TMEM132C: variants seen among roughly 807,000 people sequenced by gnomAD.
TMEM132C encodes the protein transmembrane protein 132C.
A neutral mutation model predicts 61.4 loss-of-function variants in TMEM132C; 29 were observed. That is an observed-to-expected ratio of 0.47 (90% CI 0.35 to 0.64). The LOEUF (loss-of-function observed/expected upper bound fraction) is 0.64. TMEM132C is among the 30% of genes least tolerant of loss of function. The pLI is 0.00. For missense variants in TMEM132C, 1,408 were observed against 1,476.9 expected (o/e 0.95, Z 0.76); for synonymous variants, 656 against 633.1 (o/e 1.04, Z -0.54).
intron 2 of TMEM132C, among the ~76,000 whole-genome samples, chr12:128,478,755 G>C (rs558711913): frequency 4.6e-5 from 7 of 152,188 alleles, no homozygotes; most frequent in Non-Finnish European, 7.3e-5. Context: ...CCAGATAGAT[G>C]CTACAAGGAC....
At chr12:128,522,697 G>A (rs1017535906) in intron 2 of TMEM132C, among the ~76,000 whole-genome samples, 5 of 152,128 alleles carry the variant, frequency 3.3e-5, no homozygotes, top group East Asian at 1.9e-4. Context: ...TTTGTTTCAT[G>A]TCTATCCAAA....
At chr12:128,689,418 A>G (rs528358302) in intron 5 of TMEM132C, among the ~76,000 whole-genome samples, 1 of 152,312 alleles carries the variant, frequency 6.6e-6, no homozygotes, top group South Asian at 2.1e-4. Flanking sequence ...ACGTGAAAGC[A>G]CCTTGCAGAT....
At chr12:128,558,985 C>G (rs1187518913) in intron 3 of TMEM132C, among the ~76,000 whole-genome samples, 1 of 152,154 alleles carries the variant, frequency 6.6e-6, no homozygotes, top group Non-Finnish European at 1.5e-5. Flanking sequence ...AGTATACAGA[C>G]TTATATACAA....
chr12:128,641,961 ATTTTTT>A (rs34283461), intron 4 of TMEM132C, among the ~76,000 whole-genome samples: 1 of 128,744 alleles, frequency 7.8e-6, no homozygotes, highest in Non-Finnish European at 1.6e-5. Flanking sequence ...TGCCCGGCTA[ATTTTTT>A]TTTTTTTTTT....
At chr12:128,399,168 A>C (rs1162525328) in intron 1 of TMEM132C, among the ~76,000 whole-genome samples, 3 of 152,206 alleles carry the variant, frequency 2.0e-5, no homozygotes, top group Non-Finnish European at 4.4e-5. Context: ...CATGTGGGGG[A>C]AAAATGCGGA....
intron 2 of TMEM132C, among the ~76,000 whole-genome samples, chr12:128,502,511 C>T (rs1246712219): frequency 2.6e-5 from 4 of 152,308 alleles, no homozygotes; most frequent in Non-Finnish European, 5.9e-5. Flanking sequence ...TGGCAGAGAT[C>T]ATCACCTTTT....
chr12:128,269,347 C>CGTGTGTGTGTGTGTGTGTGTGTGTGT lies in TMEM132C; in HGVS notation c.85+1865_85+1890dup, dbSNP rs58843737. On this transcript the variant is annotated intron_variant, in intron 1 of 8. Transcript: ENST00000435159. Reference sequence around the variant, plus strand: ...CTGTTCTTCATTAAGGCTCACATTCCGTGTGTGTGTGTGTGTGTGTGTGTG... The same window carrying CGTGTGTGTGTGTGTGTGTGTGTGTGT: ...CTGTTCTTCATTAAGGCTCACATTCCGTGTGTGTGTGTGTGTGTGTGTGTGTGTGTGTGTGTGTGTGTGTGTGTGTG... Among the ~76,000 whole-genome samples the CGTGTGTGTGTGTGTGTGTGTGTGTGT allele has an allele frequency of 2.6e-3, 369 of 143,130 alleles. 9 individuals carry two copies. The highest frequency in any genetic ancestry group is 9.2e-3 in the African/African-American group (341 of 37,244). The allele number at this position is 143,130 out of a possible 152,430, so 93.9% of individuals were successfully genotyped here. A position where few individuals can be genotyped will look rare whatever the true frequency, so the allele number is the denominator to read the frequency against.
At chr12:128,409,144 G>T (rs1257365047) in intron 1 of TMEM132C, among the ~76,000 whole-genome samples, 1 of 152,188 alleles carries the variant, frequency 6.6e-6, no homozygotes, top group African/African-American at 2.4e-5. Flanking sequence ...TCTGGGTCAT[G>T]AGTGTGTAGC....
intron 4 of TMEM132C, among the ~76,000 whole-genome samples, chr12:128,653,840 A>G (rs1425978607): frequency 6.6e-6 from 1 of 152,184 alleles, no homozygotes; most frequent in African/African-American, 2.4e-5. Context: ...TCAATTCACC[A>G]TCAGCTCAGA....
chr12:128,559,746 G>T (rs1026361356), intron 3 of TMEM132C, among the ~76,000 whole-genome samples: 25 of 152,298 alleles, frequency 1.6e-4, no homozygotes, highest in Admixed American at 9.1e-4. Flanking sequence ...CTCTAGCATG[G>T]TATTTGTGAG....
At chr12:128,576,651 T>C (rs574814293) in intron 3 of TMEM132C, among the ~76,000 whole-genome samples, 3 of 152,350 alleles carry the variant, frequency 2.0e-5, no homozygotes, top group South Asian at 4.1e-4. Context: ...ATCCATCCTC[T>C]GCAATTATTT....
At chr12:128,645,698 G>A (rs957842990) in intron 4 of TMEM132C, among the ~76,000 whole-genome samples, 1 of 152,204 alleles carries the variant, frequency 6.6e-6, no homozygotes. Context: ...CCCCAGCAGG[G>A]GCCCCCTTTG....
chr12:128,676,897 C>T (rs553126935), intron 5 of TMEM132C, among the ~76,000 whole-genome samples: 5 of 152,274 alleles, frequency 3.3e-5, no homozygotes, highest in African/African-American at 4.8e-5. Flanking sequence ...GTCTTGTCTG[C>T]GATGTGCAGG....
At chr12:128,462,108 T>C (rs1019365628) in intron 2 of TMEM132C, among the ~76,000 whole-genome samples, 7 of 152,134 alleles carry the variant, frequency 4.6e-5, no homozygotes, top group Non-Finnish European at 8.8e-5. Context: ...TTTGTTTTGT[T>C]TTGTTTTGTT....
chr12:128,564,960 T>G (rs998852553), intron 3 of TMEM132C, among the ~76,000 whole-genome samples: 5 of 152,186 alleles, frequency 3.3e-5, no homozygotes, highest in African/African-American at 1.2e-4. Context: ...TTATGGGATA[T>G]TGTTATGGAG....
rs143418746 is a variant in TMEM132C, at chr12:128,530,689, C to T, written c.975-13268C>T. Among the ~76,000 whole-genome samples the T allele has an allele frequency of 1.9e-4, 29 of 152,324 alleles. No homozygotes were observed. In the East Asian group the frequency reaches 4.2e-3, roughly 22 times the overall value. On this transcript the variant is annotated intron_variant, in intron 2 of 8. Coordinates refer to ENST00000435159, the MANE Select transcript of TMEM132C (RefSeq NM_001136103.3). ...CGAACTAATGACCTCGTGATCCACC[C>T]GCCTTGGCCTCCCAAAGTGCTGGGA... is the stretch of plus-strand genomic sequence containing the variant.
At chr12:128,353,595 G>T (rs1241326390) in intron 1 of TMEM132C, among the ~76,000 whole-genome samples, 1 of 152,204 alleles carries the variant, frequency 6.6e-6, no homozygotes, top group African/African-American at 2.4e-5. Flanking sequence ...CCCTCCTGCA[G>T]CTTTTTATTG....
chr12:128,701,548 T>C (rs1004623153), intron 8 of TMEM132C, among the ~76,000 whole-genome samples: 2 of 152,208 alleles, frequency 1.3e-5, no homozygotes, highest in Admixed American at 1.3e-4. Flanking sequence ...GCATTCTTCC[T>C]TGGTCCTGCG....
At chr12:128,439,504 G>T (rs552113190) in intron 2 of TMEM132C, among the ~76,000 whole-genome samples, 1 of 152,322 alleles carries the variant, frequency 6.6e-6, no homozygotes, top group African/African-American at 2.4e-5. Context: ...CCAGGAAAAA[G>T]AAATTGCCTA....
Sources: allele counts gnomAD v4.1 joint callset (sites outside exome capture counted in the v4.1 genomes callset), GRCh38; gene constraint gnomAD v4.1.1; transcripts MANE v1.5; gene names NCBI Gene and HGNC (gene_info 2026-07-23, HGNC 2026-07-21).